The following CDH2 variants were observed in gnomAD, a reference collection of about 807,000 sequenced individuals.
CDH2 encodes cadherin-2.
In CDH2, 17 loss-of-function variants were observed where a neutral mutation model predicts 92.0. That is an observed-to-expected ratio of 0.18 (90% CI 0.13 to 0.28). The LOEUF (loss-of-function observed/expected upper bound fraction) is 0.28, where lower values mean the gene tolerates loss of function less well. Among genes scored for constraint, CDH2 ranks in the 10% least tolerant of loss-of-function variants. CDH2 has a pLI of 1.00. For missense variants in CDH2, 862 were observed against 1,133.1 expected (o/e 0.76, Z 3.44); for synonymous variants, 419 against 415.9 (o/e 1.01, Z -0.09).
chr18:28,171,143 T>C (rs930672212), intron 1 of CDH2, among the ~76,000 whole-genome samples: 12 of 151,732 alleles, frequency 7.9e-5, no homozygotes, highest in African/African-American at 2.9e-4. Flanking sequence ...GGCAGGAGAA[T>C]TCCTTGAGCC....
At chr18:28,007,395 T>C (rs775848482) in intron 5 of CDH2, among the ~76,000 whole-genome samples, 7 of 151,812 alleles carry the variant, frequency 4.6e-5, no homozygotes, top group Admixed American at 1.3e-4. Context: ...ATTGTTTCTT[T>C]TGGACTGGAA....
intron 2 of CDH2, among the ~76,000 whole-genome samples, chr18:28,143,267 G>C (rs1266271993): frequency 6.6e-6 from 1 of 151,972 alleles, no homozygotes; most frequent in Non-Finnish European, 1.5e-5. Context: ...ACTAAAAACA[G>C]CCCAGGATCC....
intron 2 of CDH2, among the ~76,000 whole-genome samples, chr18:28,098,804 AGT>A (rs2015179902): frequency 6.6e-6 from 1 of 152,096 alleles, no homozygotes; most frequent in Non-Finnish European, 1.5e-5. Flanking sequence ...CAGGTGGGAA[AGT>A]GTGTGCTGGC....
At chr18:28,168,535 G>A (rs953060264) in intron 1 of CDH2, 8 of 216,288 alleles carry the variant, frequency 3.7e-5, no homozygotes, top group African/African-American at 1.6e-4. Context: ...TGGCCTGAGA[G>A]TTTATAGGCT....
intron 2 of CDH2, among the ~76,000 whole-genome samples, chr18:28,144,138 C>T (rs764667280): frequency 6.6e-6 from 1 of 151,038 alleles, no homozygotes; most frequent in Non-Finnish European, 1.5e-5. Context: ...ACGTTCTGCA[C>T]ATGTGTCCCA....
chr18:28,128,205 A>T (rs2144286069), intron 2 of CDH2, among the ~76,000 whole-genome samples: 1 of 152,308 alleles, frequency 6.6e-6, no homozygotes, highest in African/African-American at 2.4e-5. Flanking sequence ...AGTAAAAGTG[A>T]AATAGGTCAC....
chr18:27,978,853 A>C (rs1279507402), intron 14 of CDH2, among the ~76,000 whole-genome samples: 5 of 151,996 alleles, frequency 3.3e-5, no homozygotes. Flanking sequence ...ATGTGGTCTT[A>C]CTATGTTGCC....
intron 15 of CDH2, among the ~76,000 whole-genome samples, chr18:27,960,204 C>A (rs1403309027): frequency 6.6e-6 from 1 of 151,996 alleles, no homozygotes; most frequent in Non-Finnish European, 1.5e-5. Context: ...CAGGGGGAGG[C>A]AGGATGGAAC....
In CDH2 at chr18:28,007,181, T is replaced by A. The variant is rs1388976217; in HGVS notation, c.703-1188A>T. 1.2e-4 allele frequency among the ~76,000 whole-genome samples: 17 copies of A among 143,380 alleles called. 1 individual carries two copies. The South Asian group carries it at 1.7e-3, about 15-fold the overall frequency. 94.1% of individuals were successfully genotyped at this position (143,380 alleles called of 152,430 possible). ...TAAAAAAAAAATATATATATATATA[T>A]ATATATATATATACGAGTATATACG... On this transcript the variant is annotated intron_variant, in intron 5 of 15. Transcript: ENST00000269141.
At chr18:28,110,048 C>G (rs77103761) in intron 2 of CDH2, among the ~76,000 whole-genome samples, 4 of 152,106 alleles carry the variant, frequency 2.6e-5, no homozygotes, top group African/African-American at 9.7e-5. Flanking sequence ...GTGTCCTTTT[C>G]TGAGGTAAGA....
intron 15 of CDH2, among the ~76,000 whole-genome samples, chr18:27,957,502 T>G (rs2011282115): frequency 6.6e-6 from 1 of 152,062 alleles, no homozygotes. Context: ...TCTGCCTGCC[T>G]GAGCCTCCCA....
intron 2 of CDH2, among the ~76,000 whole-genome samples, chr18:28,097,914 T>C (rs2015163591): frequency 6.6e-6 from 1 of 152,188 alleles, no homozygotes; most frequent in Non-Finnish European, 1.5e-5. Context: ...TTTTGTTAAT[T>C]TCCTTTTGTT....
chr18:27,977,463 A>G (rs1333089577), intron 14 of CDH2, among the ~76,000 whole-genome samples: 3 of 151,964 alleles, frequency 2.0e-5, no homozygotes, highest in Non-Finnish European at 4.4e-5. Context: ...ACAGACAGAG[A>G]CTCCAATCAA....
At chr18:28,082,889 T>C (rs1294886945) in intron 2 of CDH2, among the ~76,000 whole-genome samples, 1 of 152,200 alleles carries the variant, frequency 6.6e-6, no homozygotes, top group Non-Finnish European at 1.5e-5. Flanking sequence ...TTGTACCAAC[T>C]AGAAGGTTCT....
intron 2 of CDH2, among the ~76,000 whole-genome samples, chr18:28,079,487 T>G (rs1002245502): frequency 6.6e-6 from 1 of 152,240 alleles, no homozygotes; most frequent in Non-Finnish European, 1.5e-5. Flanking sequence ...CTTCCCTTGA[T>G]GCAAATTATT....
intron 1 of CDH2, among the ~76,000 whole-genome samples, chr18:28,152,932 G>C (rs1451796148): frequency 6.6e-6 from 1 of 152,184 alleles, no homozygotes; most frequent in South Asian, 2.1e-4. Context: ...GGGACTCACT[G>C]GGGGAGGGAG....
intron 2 of CDH2, among the ~76,000 whole-genome samples, chr18:28,137,462 G>A (rs1231113584): frequency 6.6e-6 from 1 of 152,094 alleles, no homozygotes; most frequent in Admixed American, 6.6e-5. Flanking sequence ...CTCCTTATAA[G>A]TGAGCAAATC....
intron 1 of CDH2, among the ~76,000 whole-genome samples, chr18:28,172,460 A>G (rs2016479559): frequency 6.6e-6 from 1 of 152,186 alleles, no homozygotes; most frequent in Non-Finnish European, 1.5e-5. Context: ...AAAGACTAGC[A>G]TCTGCTCAAA....
chr18:28,043,917 T>G (rs2014016479), intron 2 of CDH2, among the ~76,000 whole-genome samples: 1 of 98,344 alleles, frequency 1.0e-5, no homozygotes, highest in African/African-American at 4.7e-5. Flanking sequence ...TTTTTTTTTT[T>G]TTTTTTGGAG....
Sources: gnomAD v4.1 joint callset for allele counts (sites outside exome capture counted in the v4.1 genomes callset) on GRCh38, gnomAD v4.1.1 for gene constraint, MANE v1.5 for transcripts, NCBI Gene and HGNC (gene_info 2026-07-23, HGNC 2026-07-21) for gene names.